The following CNTNAP2 variants were observed in gnomAD, a reference collection of about 807,000 sequenced individuals.
CNTNAP2 encodes contactin associated protein 2.
In CNTNAP2, 98 loss-of-function variants were observed where a neutral mutation model predicts 155.2. The observed-to-expected ratio is 0.63, with a 90% CI of 0.54 to 0.75. CNTNAP2 has a LOEUF of 0.75. CNTNAP2 is among the 30% of genes least tolerant of loss of function. CNTNAP2 has a pLI of 0.00. For synonymous variants in CNTNAP2, 651 were observed against 631.2 expected, an observed-to-expected ratio of 1.03 and a Z score of -0.47; for missense variants, 1,727 against 1,688.1, an observed-to-expected ratio of 1.02 and a Z score of -0.40.
At chr7:148,238,370 T>C (rs1796084177) in intron 20 of CNTNAP2, among the ~76,000 whole-genome samples, 2 of 152,110 alleles carry the variant, frequency 1.3e-5, no homozygotes, top group South Asian at 4.1e-4. Context: ...GTCCCAATGA[T>C]GAATAAGGTC....
At chr7:148,000,211 G>A (rs1423840557) in intron 15 of CNTNAP2, among the ~76,000 whole-genome samples, 1 of 152,184 alleles carries the variant, frequency 6.6e-6, no homozygotes, top group African/African-American at 2.4e-5. Flanking sequence ...AGTGTCTTGA[G>A]AGAGAAAGGG....
At position 148,417,430 on chromosome 7, in the gene CNTNAP2, T is replaced by C. The variant is rs1055286955; in HGVS notation, c.*1814T>C. Reference sequence around the variant, plus strand: ...AAGGTAACAGAACAAAAGGGAATCCTGATGCCCTTTTACCATTGCTGGTTG... The same window carrying C: ...AAGGTAACAGAACAAAAGGGAATCCCGATGCCCTTTTACCATTGCTGGTTG... On this transcript the variant is annotated 3_prime_UTR_variant, in exon 24 of 24. Coordinates refer to ENST00000361727, the MANE Select transcript of CNTNAP2 (RefSeq NM_014141.6). The C allele has an allele frequency of 6.5e-6, 1 of 152,684 alleles. No individual in the cohort carries two copies. The highest frequency in any genetic ancestry group is 1.5e-5 in the Non-Finnish European group (1 of 68,048). 9.5% of individuals were successfully genotyped at this position (152,684 alleles called of 1,614,324 possible).
At chr7:147,742,097 C>T (rs1796965234) in intron 13 of CNTNAP2, among the ~76,000 whole-genome samples, 1 of 152,096 alleles carries the variant, frequency 6.6e-6, no homozygotes, top group Non-Finnish European at 1.5e-5. Context: ...GACTTATTCA[C>T]TATCACAAAA....
intron 1 of CNTNAP2, among the ~76,000 whole-genome samples, chr7:146,293,988 G>T (rs1352128509): frequency 1.3e-5 from 2 of 152,070 alleles, no homozygotes; most frequent in Non-Finnish European, 2.9e-5. Context: ...GAGGAGCACT[G>T]ATGGCAGTTT....
intron 18 of CNTNAP2, among the ~76,000 whole-genome samples, chr7:148,204,542 A>G (rs990285130): frequency 3.3e-5 from 5 of 152,220 alleles, no homozygotes; most frequent in Non-Finnish European, 5.9e-5. Flanking sequence ...ATTGTTAACA[A>G]AAGTTTATCA....
At chr7:147,688,914 C>T (rs2116988980) in intron 13 of CNTNAP2, among the ~76,000 whole-genome samples, 1 of 152,226 alleles carries the variant, frequency 6.6e-6, no homozygotes, top group Non-Finnish European at 1.5e-5. Flanking sequence ...TTTTCTTAAA[C>T]ACCAGAATAC....
chr7:148,234,411 A>T (rs1796013564), intron 20 of CNTNAP2, among the ~76,000 whole-genome samples: 1 of 152,216 alleles, frequency 6.6e-6, no homozygotes, highest in Non-Finnish European at 1.5e-5. Flanking sequence ...ATAATAAACC[A>T]TATGCTATGT....
intron 1 of CNTNAP2, among the ~76,000 whole-genome samples, chr7:146,179,933 T>G (rs1798526456): frequency 6.6e-6 from 1 of 152,162 alleles, no homozygotes; most frequent in South Asian, 2.1e-4. Flanking sequence ...ATGAAATGAT[T>G]TTTAGTAGGA....
intron 13 of CNTNAP2, among the ~76,000 whole-genome samples, chr7:147,811,025 A>T (rs530063472): frequency 9.2e-5 from 14 of 152,356 alleles, no homozygotes; most frequent in African/African-American, 3.1e-4. Context: ...ACTAGGAAGT[A>T]GGCATGTAAC....
chr7:147,530,091 A>C (rs1014290364), intron 11 of CNTNAP2, among the ~76,000 whole-genome samples: 1 of 152,180 alleles, frequency 6.6e-6, no homozygotes, highest in Non-Finnish European at 1.5e-5. Flanking sequence ...GCTGATAAGG[A>C]CATACCTGAG....
At chr7:147,767,496 G>A (rs987037464) in intron 13 of CNTNAP2, among the ~76,000 whole-genome samples, 1 of 151,992 alleles carries the variant, frequency 6.6e-6, no homozygotes, top group Non-Finnish European at 1.5e-5. Context: ...CTTCAGATGT[G>A]TAATCATTTG....
chr7:146,134,424 CT>C (rs1298044215), intron 1 of CNTNAP2, among the ~76,000 whole-genome samples: 1 of 150,034 alleles, frequency 6.7e-6, no homozygotes, highest in Non-Finnish European at 1.5e-5. Flanking sequence ...CCTAATTGCC[CT>C]GGCCAGAACT....
Position 148,383,775 on chromosome 7 carries a change from C to T in CNTNAP2, c.3602C>T (p.Ala1201Val). The T allele has an allele frequency of 6.2e-7, 1 of 1,614,212 alleles. No homozygotes were observed. The highest frequency in any genetic ancestry group is 8.5e-7 in the Non-Finnish European group (1 of 1,180,034). ...GCCTTGAGGCAGACAAACGCCTCGG[C>T]TCACGTCCACATCCAGGGCGAGCTG... ...KAALRQTNAS[A>V]HVHIQGELVE... The change falls in exon 22 of 24, where the codon GCT becomes GTT. Residue 1201 changes from alanine to valine, a missense_variant. Ala to Val is a moderately conservative substitution (Grantham distance 64). Transcript: ENST00000361727.
At chr7:146,160,365 A>T (rs1252547906) in intron 1 of CNTNAP2, among the ~76,000 whole-genome samples, 1 of 152,208 alleles carries the variant, frequency 6.6e-6, no homozygotes, top group East Asian at 1.9e-4. Context: ...AAGGTGATAG[A>T]GACACAAAAA....
intron 8 of CNTNAP2, among the ~76,000 whole-genome samples, chr7:147,210,769 T>C (rs1230475315): frequency 6.6e-6 from 1 of 151,924 alleles, no homozygotes; most frequent in Non-Finnish European, 1.5e-5. Flanking sequence ...CTGGATGTTG[T>C]ATCTCTGTTT....
chr7:147,052,303 T>C (rs1799487347), intron 4 of CNTNAP2, among the ~76,000 whole-genome samples: 1 of 152,142 alleles, frequency 6.6e-6, no homozygotes, highest in Non-Finnish European at 1.5e-5. Context: ...ACAGCAAGTG[T>C]CACCTTATTC....
intron 1 of CNTNAP2, among the ~76,000 whole-genome samples, chr7:146,756,816 A>G (rs1212044136): frequency 6.6e-6 from 1 of 152,106 alleles, no homozygotes; most frequent in Non-Finnish European, 1.5e-5. Flanking sequence ...TACACAGTAT[A>G]AGAAACATTA....
At chr7:147,287,957 C>T (rs1001091790) in intron 8 of CNTNAP2, among the ~76,000 whole-genome samples, 6 of 152,116 alleles carry the variant, frequency 3.9e-5, no homozygotes, top group African/African-American at 1.4e-4. Context: ...GATGTCCTTA[C>T]CTTCACTCTT....
At chr7:147,328,459 T>C (rs964255491) in intron 9 of CNTNAP2, among the ~76,000 whole-genome samples, 2 of 152,202 alleles carry the variant, frequency 1.3e-5, no homozygotes, top group Non-Finnish European at 2.9e-5. Context: ...GTAGTCACAA[T>C]GGACGGTTCC....
Sources: gnomAD v4.1 joint callset for allele counts (sites outside exome capture counted in the v4.1 genomes callset) on GRCh38, gnomAD v4.1.1 for gene constraint, MANE v1.5 for transcripts, NCBI Gene and HGNC (gene_info 2026-07-23, HGNC 2026-07-21) for gene names.